Variants in ERC2 observed in about 807,000 individuals in gnomAD.
ERC2 encodes ERC protein 2.
Under a neutral mutation model 114.8 loss-of-function variants are expected in ERC2, and 42 were observed. That is an observed-to-expected ratio of 0.37 (90% CI 0.29 to 0.47). ERC2 has a LOEUF of 0.47. ERC2 is among the 20% of genes least tolerant of loss of function. The probability of loss-of-function intolerance (pLI) is 0.99; values close to 1 mark genes in which losing one functional copy is unlikely to be tolerated. For missense variants in ERC2, 939 were observed against 1,150.7 expected (o/e 0.82, Z 2.66); for synonymous variants, 454 against 425.5 (o/e 1.07, Z -0.82).
chr3:56,392,312 T>C (rs1246194040), intron 2 of ERC2, among the ~76,000 whole-genome samples: 1 of 152,198 alleles, frequency 6.6e-6, no homozygotes, highest in African/African-American at 2.4e-5. Context: ...ACATATATCT[T>C]TGGTTCTCCA....
chr3:56,396,721 A>G (rs1044620181), intron 2 of ERC2, among the ~76,000 whole-genome samples: 3 of 152,166 alleles, frequency 2.0e-5, no homozygotes, highest in Non-Finnish European at 4.4e-5. Context: ...TACAAACAAT[A>G]TGCATTAGTT....
intron 12 of ERC2, among the ~76,000 whole-genome samples, chr3:55,974,043 C>A (rs1174685136): frequency 6.6e-6 from 1 of 152,212 alleles, no homozygotes; most frequent in Non-Finnish European, 1.5e-5. Flanking sequence ...AAATCCCACT[C>A]TCTCTAGCAG....
intron 2 of ERC2, among the ~76,000 whole-genome samples, chr3:56,417,213 G>A (rs1350821741): frequency 1.3e-5 from 2 of 152,160 alleles, no homozygotes; most frequent in South Asian, 2.1e-4. Flanking sequence ...GGCAACATAA[G>A]CGTCTGCCTT....
rs142619736 is a variant in ERC2 at position 55,611,413 on chromosome 3, C to T, written c.*39+72381G>A. ...AGGCTTTGCTTCCAGGCACAGACAT[C>T]TGTGCACCTTGAGGTATTGATCAAG... On this transcript the variant is annotated intron_variant, in intron 17 of 17. Transcript: ENST00000288221. 2.4e-3 allele frequency among the ~76,000 whole-genome samples: 361 copies of T among 152,306 alleles called. 1 individual carries two copies. The highest frequency in any genetic ancestry group is 8.2e-3 in the African/African-American group (341 of 41,562).
At chr3:55,931,131 G>C (rs1482126228) in intron 13 of ERC2, among the ~76,000 whole-genome samples, 1 of 152,218 alleles carries the variant, frequency 6.6e-6, no homozygotes, top group African/African-American at 2.4e-5. Context: ...TGGAGAAATA[G>C]GGAGGCTTTT....
At chr3:55,971,495 T>G (rs1345880800) in intron 12 of ERC2, among the ~76,000 whole-genome samples, 6 of 152,174 alleles carry the variant, frequency 3.9e-5, no homozygotes, top group Non-Finnish European at 8.8e-5. Context: ...TTCTAGAAAT[T>G]TTTTAGGCAT....
At chr3:56,172,006 T>G (rs1417745322) in intron 4 of ERC2, among the ~76,000 whole-genome samples, 1 of 148,930 alleles carries the variant, frequency 6.7e-6, no homozygotes, top group Non-Finnish European at 1.5e-5. Flanking sequence ...ACAAGTCTTT[T>G]GTCCTTTTGT....
At chr3:55,880,750 T>C (rs1237893191) in intron 14 of ERC2, among the ~76,000 whole-genome samples, 1 of 151,438 alleles carries the variant, frequency 6.6e-6, no homozygotes, top group Non-Finnish European at 1.5e-5. Flanking sequence ...TTAAAGTTTT[T>C]CTCAATAAAC....
chr3:56,450,796 G>A (rs554077652), intron 1 of ERC2, among the ~76,000 whole-genome samples: 275 of 152,042 alleles, frequency 1.8e-3, no homozygotes, highest in African/African-American at 6.4e-3. Flanking sequence ...ACGCCGTTGC[G>A]CTCCAGCCTG....
At chr3:55,942,692 A>T (rs917044021) in intron 13 of ERC2, among the ~76,000 whole-genome samples, 4 of 152,172 alleles carry the variant, frequency 2.6e-5, no homozygotes, top group Non-Finnish European at 5.9e-5. Context: ...GGGAAAGTGT[A>T]ATAGCAGAGA....
chr3:56,162,317 A>C (rs1333112437), intron 4 of ERC2, among the ~76,000 whole-genome samples: 2 of 152,160 alleles, frequency 1.3e-5, no homozygotes, highest in African/African-American at 4.8e-5. Context: ...ATCTACATTC[A>C]TCAGGGATAC....
In ERC2 at chr3:56,049,230, G is replaced by A. The variant is rs74877639; in HGVS notation, c.1642-30199C>T. Among the ~76,000 whole-genome samples, 38 of 152,270 alleles carry A rather than the reference G, an allele frequency of 2.5e-4. No individual in the cohort carries two copies. The East Asian group carries it at 6.2e-3, about 25-fold the overall frequency. ...ATGAGGCTGGCTGCTGGGGGTGAGC[G>A]CATGCTAAGGACACAGTGAAAGCAG... On this transcript the variant is annotated intron_variant, in intron 7 of 17. Transcript: ENST00000288221.
intron 14 of ERC2, among the ~76,000 whole-genome samples, chr3:55,870,705 G>C (rs1408606164): frequency 6.6e-6 from 1 of 152,112 alleles, no homozygotes; most frequent in Non-Finnish European, 1.5e-5. Flanking sequence ...CATTCCCAGG[G>C]GGCTAAGGAG....
intron 11 of ERC2, among the ~76,000 whole-genome samples, chr3:55,986,681 CG>C (rs1205112821): frequency 1.1e-4 from 17 of 151,856 alleles, no homozygotes; most frequent in African/African-American, 3.4e-4. Context: ...GTCAGAAATA[CG>C]AAGTTCCGAC....
intron 7 of ERC2, among the ~76,000 whole-genome samples, chr3:56,032,360 C>T (rs1422425264): frequency 1.3e-5 from 2 of 152,034 alleles, no homozygotes; most frequent in South Asian, 4.1e-4. Flanking sequence ...AGTACCAACT[C>T]AAAAGAAGAA....
At chr3:55,906,431 CAAAAA>C (rs368262866) in intron 13 of ERC2, among the ~76,000 whole-genome samples, 2 of 67,968 alleles carry the variant, frequency 2.9e-5, no homozygotes, top group African/African-American at 6.8e-5. Flanking sequence ...GACTCTGTCT[CAAAAA>C]AAAAAAAAAA....
At position 55,772,245 on chromosome 3, in the gene ERC2, C is replaced by T. The variant is rs185749545; in HGVS notation, c.2565-37327G>A. Among the ~76,000 whole-genome samples, 326 of 152,292 alleles carry T rather than the reference C, an allele frequency of 2.1e-3. 2 individuals are homozygous for T. The highest frequency in any genetic ancestry group is 7.5e-3 in the African/African-American group (310 of 41,552). On this transcript the variant is annotated intron_variant, in intron 14 of 17. Coordinates refer to ENST00000288221, the MANE Select transcript of ERC2 (RefSeq NM_015576.3). ...GCAACTTCCGCCACCCAGGTTCAAG[C>T]AATTCTCCTGTCTCAGCCTCCCAAG...
At chr3:56,355,812 T>C (rs2058727213) in intron 2 of ERC2, among the ~76,000 whole-genome samples, 1 of 152,148 alleles carries the variant, frequency 6.6e-6, no homozygotes, top group Non-Finnish European at 1.5e-5. Flanking sequence ...AATCCCAGAA[T>C]AACTTGAAAC....
chr3:55,714,661 GTGTGTGTATA>G (rs1559538643), intron 15 of ERC2, among the ~76,000 whole-genome samples: 14 of 71,740 alleles, frequency 2.0e-4, no homozygotes, highest in African/African-American at 5.3e-4. Flanking sequence ...GTGTGTGTGT[GTGTGTGTATA>G]TATATATATA....
Sources: allele counts gnomAD v4.1 joint callset (sites outside exome capture counted in the v4.1 genomes callset), GRCh38; gene constraint gnomAD v4.1.1; transcripts MANE v1.5; gene names NCBI Gene and HGNC (gene_info 2026-07-23, HGNC 2026-07-21).